Variants in ZNF69 observed in about 807,000 individuals in gnomAD.
ZNF69 encodes the protein ZNF3.
A neutral mutation model predicts 50.9 loss-of-function variants in ZNF69; 47 were observed. The observed-to-expected ratio is 0.92, with a 90% CI of 0.73 to 1.18. The LOEUF (loss-of-function observed/expected upper bound fraction) is 1.18. Ranked by LOEUF, ZNF69 falls within the 50% of genes most tolerant of loss-of-function variation. ZNF69 has a pLI of 0.00. For missense variants in ZNF69, 717 were observed against 675.1 expected (o/e 1.06, Z -0.69); for synonymous variants, 216 against 223.1 (o/e 0.97, Z 0.29).
Position 11,894,387 on chromosome 19 carries a change from G to A in ZNF69, c.63+6401G>A, listed in dbSNP as rs1411979202. On this transcript the variant is annotated intron_variant, in intron 1 of 3. Coordinates refer to ENST00000429654, the MANE Select transcript of ZNF69 (RefSeq NM_001364730.1). ...TATCTCCTGACCTCGTGATCCACCCGCCTTGGTCTCCCAAAGTGCTGGGAT... is the reference window on the plus strand; with the variant it reads ...TATCTCCTGACCTCGTGATCCACCCACCTTGGTCTCCCAAAGTGCTGGGAT... 3.3e-5 allele frequency among the ~76,000 whole-genome samples: 5 copies of A among 152,172 alleles called. No individual in the cohort carries two copies. In the South Asian group the frequency reaches 6.2e-4, roughly 19 times the overall value.
chr19:11,897,576 A>G (rs1047632090), intron 1 of ZNF69, among the ~76,000 whole-genome samples: 1 of 145,784 alleles, frequency 6.9e-6, no homozygotes, highest in African/African-American at 2.5e-5. Context: ...CCCTGTTTGA[A>G]AAAAAAAAAA....
chr19:11,979,274 A>G, the ZNF69 span: 42 of 1,613,124 alleles, frequency 2.6e-5, no homozygotes, highest in East Asian at 4.0e-4. Flanking sequence ...GAGAAACCCT[A>G]TGAGTGTAAG....
chr19:11,944,469 A>G, the ZNF69 span, among the ~76,000 whole-genome samples: 3,238 of 152,176 alleles, frequency 0.021, 61 homozygotes, highest in Middle Eastern at 0.044. Flanking sequence ...GTGATCCCCA[A>G]TACCTTTGCT....
intron 1 of ZNF69, among the ~76,000 whole-genome samples, chr19:11,890,121 G>A (rs1200944281): frequency 6.6e-6 from 1 of 152,172 alleles, no homozygotes; most frequent in African/African-American, 2.4e-5. Flanking sequence ...GGAGACAGAA[G>A]CCTTCCTCTT....
Position 11,906,085 on chromosome 19 carries a change from A to G in ZNF69, c.1688A>G (p.Glu563Gly), listed in dbSNP as rs1243777121. The G allele has an allele frequency of 6.2e-7, 1 of 1,611,348 alleles. No individual in the cohort carries two copies. The highest frequency in any genetic ancestry group is 1.7e-5 in the Admixed American group (1 of 59,066). ...GRTHPEDKPY[E>G]CKQ ...ACTCACCCTGAAGATAAACCCTATG[A>G]GTGTAAGCAATGAGGGAAAGCCTTC... The change falls in exon 4 of 4, where the codon GAG becomes GGG. Residue 563 changes from glutamate (E) to glycine (G), a missense_variant. Physicochemically the swap from Glu to Gly is moderately conservative, Grantham distance 98. Coordinates refer to ENST00000429654, the MANE Select transcript of ZNF69 (RefSeq NM_001364730.1).
chr19:11,948,769 C>T, the ZNF69 span: 64 of 1,611,244 alleles, frequency 4.0e-5, 1 homozygote, highest in Non-Finnish European at 4.7e-5. Context: ...TGGAGAGAAA[C>T]CATATGAATG....
At chr19:11,928,951 T>C in the ZNF69 span, among the ~76,000 whole-genome samples, 2 of 146,964 alleles carry the variant, frequency 1.4e-5, 1 homozygote, top group African/African-American at 5.4e-5. Flanking sequence ...TTAAAAAAAA[T>C]AGTGGAGAGG....
At chr19:11,937,712 T>A in the ZNF69 span, among the ~76,000 whole-genome samples, 3 of 151,920 alleles carry the variant, frequency 2.0e-5, no homozygotes, top group African/African-American at 7.3e-5. Flanking sequence ...ATGGTCTCGA[T>A]CTCCTGACCT....
At chr19:11,964,184 A>G in the ZNF69 span, among the ~76,000 whole-genome samples, 1 of 152,206 alleles carries the variant, frequency 6.6e-6, no homozygotes, top group South Asian at 2.1e-4. Context: ...AGTGGCCTCC[A>G]GCCGCTCAGA....
the ZNF69 span, chr19:11,947,509 T>C: frequency 6.2e-7 from 1 of 1,612,034 alleles, no homozygotes; most frequent in Non-Finnish European, 8.5e-7. Context: ...GTGTCTGTAT[T>C]TTAGGAAAAA....
At chr19:11,900,251 C>G (rs1389140272) in intron 1 of ZNF69, among the ~76,000 whole-genome samples, 1 of 152,100 alleles carries the variant, frequency 6.6e-6, no homozygotes, top group Admixed American at 6.6e-5. Context: ...CTGCACCCGG[C>G]CTGTTTTCAT....
the ZNF69 span, among the ~76,000 whole-genome samples, chr19:11,925,878 G>T: frequency 6.6e-6 from 1 of 152,214 alleles, no homozygotes; most frequent in East Asian, 1.9e-4. Context: ...TCCCGAGGCG[G>T]CTCAAGACAG....
chr19:11,970,441 GA>G, the ZNF69 span, among the ~76,000 whole-genome samples: 1 of 152,166 alleles, frequency 6.6e-6, no homozygotes, highest in Admixed American at 6.5e-5. Flanking sequence ...AATCCATAAA[GA>G]AAATGCATGC....
chr19:11,967,039 T>C, the ZNF69 span, among the ~76,000 whole-genome samples: 5 of 152,270 alleles, frequency 3.3e-5, no homozygotes, highest in Admixed American at 3.3e-4. Flanking sequence ...AGAGAGTTTA[T>C]TGAAAGCTAC....
chr19:11,924,926 A>G, the ZNF69 span: 2 of 386,086 alleles, frequency 5.2e-6, no homozygotes, highest in Non-Finnish European at 9.7e-6. Context: ...CAGAGTGCAG[A>G]AAGCAGCTCG....
the ZNF69 span, chr19:11,979,598 G>T: frequency 6.2e-7 from 1 of 1,604,974 alleles, no homozygotes; most frequent in East Asian, 2.2e-5. Context: ...TTGGTACCAT[G>T]AAAGGACTCA....
At chr19:11,944,532 G>A in the ZNF69 span, among the ~76,000 whole-genome samples, 131 of 152,244 alleles carry the variant, frequency 8.6e-4, no homozygotes, top group African/African-American at 2.6e-3. Context: ...GAGCCAATTC[G>A]TAAGGGCAGT....
At chr19:11,888,238 C>T (rs1402030966) in intron 1 of ZNF69, among the ~76,000 whole-genome samples, 3 of 152,228 alleles carry the variant, frequency 2.0e-5, no homozygotes, top group Non-Finnish European at 4.4e-5. Flanking sequence ...GCTCCGCGCC[C>T]GCAGCCACGC....
At chr19:11,956,820 CTTCAGA>C in the ZNF69 span, among the ~76,000 whole-genome samples, 1 of 152,152 alleles carries the variant, frequency 6.6e-6, no homozygotes, top group African/African-American at 2.4e-5. Context: ...CACCATTGCA[CTTCAGA>C]TTGGATGACT....
Sources: allele counts gnomAD v4.1 joint callset (sites outside exome capture counted in the v4.1 genomes callset), GRCh38; gene constraint gnomAD v4.1.1; transcripts MANE v1.5; gene names NCBI Gene and HGNC (gene_info 2026-07-23, HGNC 2026-07-21).